The following RHOD variants were observed in gnomAD, a reference collection of about 807,000 sequenced individuals.
RHOD encodes rho-related GTP-binding protein RhoD.
RHOD carries 11 observed loss-of-function variants against 16.7 expected under a neutral mutation model. The observed-to-expected ratio is 0.66, with a 90% CI of 0.41 to 1.09. RHOD has a LOEUF of 1.09. Among genes scored for constraint, RHOD ranks in the 50% least tolerant of loss-of-function variants. RHOD has a pLI of 0.00. For missense variants in RHOD, 271 were observed against 291.7 expected (o/e 0.93, Z 0.52); for synonymous variants, 124 against 126.3 (o/e 0.98, Z 0.12).
At chr11:67,058,022 T>C (rs1273370372) in intron 1 of RHOD, among the ~76,000 whole-genome samples, 2 of 151,930 alleles carry the variant, frequency 1.3e-5, no homozygotes, top group African/African-American at 4.8e-5. Flanking sequence ...TTGAGAAGAG[T>C]CTCACTCTGT....
At chr11:67,059,385 C>CA (rs1396160761) in intron 1 of RHOD, among the ~76,000 whole-genome samples, 1 of 151,472 alleles carries the variant, frequency 6.6e-6, no homozygotes, top group African/African-American at 2.4e-5. Flanking sequence ...ACCGAAAATA[C>CA]AAAAAAAATT....
intron 4 of RHOD, 61 bp from the exon 5 acceptor site, chr11:67,071,374 C>A (rs1855027318): frequency 2.7e-6 from 4 of 1,460,494 alleles, no homozygotes; most frequent in African/African-American, 2.8e-5. Context: ...GAAAAGGAAG[C>A]GAGAACGTGA....
At position 67,070,569 on chromosome 11, in the gene RHOD, C is replaced by T. The variant is rs768565060; in HGVS notation, c.465+10C>T. ...TGTGACCTACCACAGGGTAGGAAAC[C>T]CAGCCCGAGGTGGGAGTTGGGGAGG... On this transcript the variant is annotated intron_variant, in intron 4 of 4. Coordinates refer to ENST00000308831, the MANE Select transcript of RHOD (RefSeq NM_014578.4). 1 of 1,613,802 alleles carries T rather than the reference C, an allele frequency of 6.2e-7. No homozygotes were observed. The highest frequency in any genetic ancestry group is 1.1e-5 in the South Asian group (1 of 91,066).
At chr11:67,064,599 AGTCTTTG>A (rs1854936440) in intron 1 of RHOD, among the ~76,000 whole-genome samples, 2 of 152,120 alleles carry the variant, frequency 1.3e-5, no homozygotes, top group South Asian at 4.1e-4. Context: ...GCAGGTATTG[AGTCTTTG>A]GTGCCTGCTT....
At chr11:67,062,231 C>T (rs1487870251) in intron 1 of RHOD, among the ~76,000 whole-genome samples, 1 of 152,124 alleles carries the variant, frequency 6.6e-6, no homozygotes, top group Non-Finnish European at 1.5e-5. Flanking sequence ...TATGCTGGGG[C>T]CTCACCTGCC....
chr11:67,071,653 T>A lies in RHOD; in HGVS notation c.*51T>A. ...GGGAAGGGGCAGGGCGCTGACCTGC[T>A]GCTGAGCTGGCTGGGCTGGACCCGG... On this transcript the variant is annotated 3_prime_UTR_variant, in exon 5 of 5. Transcript: ENST00000308831. 1 of 1,493,958 alleles carries A rather than the reference T, an allele frequency of 6.7e-7. No homozygotes were observed. The highest frequency in any genetic ancestry group is 9.0e-7 in the Non-Finnish European group (1 of 1,111,690). 92.5% of individuals were successfully genotyped at this position (1,493,958 alleles called of 1,614,324 possible). A position where few individuals can be genotyped will look rare whatever the true frequency, so the allele number is the denominator to read the frequency against.
intron 3 of RHOD, among the ~76,000 whole-genome samples, chr11:67,069,795 C>T (rs1218544493): frequency 6.6e-6 from 1 of 152,152 alleles, no homozygotes; most frequent in Non-Finnish European, 1.5e-5. Context: ...CAGGTTCATG[C>T]CATTCTCCTG....
intron 3 of RHOD, among the ~76,000 whole-genome samples, chr11:67,069,895 T>G (rs929523901): frequency 6.6e-6 from 1 of 151,800 alleles, no homozygotes; most frequent in Non-Finnish European, 1.5e-5. Context: ...GTTTCACTGT[T>G]GGCCAGGCTG....
At chr11:67,063,507 T>A (rs79039117) in intron 1 of RHOD, among the ~76,000 whole-genome samples, 1,429 of 101,996 alleles carry the variant, frequency 0.014, 19 homozygotes, top group African/African-American at 0.061. Context: ...TTTTTTTTTT[T>A]TAAAAAAAGG....
At chr11:67,066,012 G>GGGGGGC in intron 2 of RHOD, 29 bp downstream of exon 2, 1 of 581,440 alleles carries the variant, frequency 1.7e-6, no homozygotes, top group Non-Finnish European at 3.4e-6. Flanking sequence ...GGCAGGGTGG[G>GGGGGGC]AGGGGCTTCT....
intron 3 of RHOD, chr11:67,070,219 C>A: frequency 3.0e-6 from 2 of 658,496 alleles, no homozygotes; most frequent in South Asian, 1.5e-5. Context: ...TGTGAACTTG[C>A]TGCCACGGCC....
intron 1 of RHOD, among the ~76,000 whole-genome samples, chr11:67,057,391 C>T (rs1309667090): frequency 6.6e-6 from 1 of 152,234 alleles, no homozygotes; most frequent in Non-Finnish European, 1.5e-5. Context: ...CCTCTTATAG[C>T]TGTGTGCCCT....
Position 67,064,203 on chromosome 11 carries a change from G to A in RHOD, c.133-1693G>A, listed in dbSNP as rs573251482. Among the ~76,000 whole-genome samples the A allele has an allele frequency of 4.7e-4, 71 of 150,528 alleles. 1 individual carries two copies. The South Asian group carries it at 0.014, about 29-fold the overall frequency. On this transcript the variant is annotated intron_variant, in intron 1 of 4. Coordinates refer to ENST00000308831, the MANE Select transcript of RHOD (RefSeq NM_014578.4). ...GGGTGGATCACGAGGTCAGGAGATC[G>A]AGACCATCCTGGCTAACACGGTGAA...
In RHOD at chr11:67,064,180, G is replaced by A. The variant is rs1038439814; in HGVS notation, c.133-1716G>A. 5.3e-5 allele frequency among the ~76,000 whole-genome samples: 8 copies of A among 150,674 alleles called. 1 individual carries two copies. In the South Asian group the frequency reaches 1.5e-3, roughly 28 times the overall value. ...CCAGCACTTTGGGAGGCCGAGGCGG[G>A]TGGATCACGAGGTCAGGAGATCGAG... On this transcript the variant is annotated intron_variant, in intron 1 of 4. Coordinates refer to ENST00000308831, the MANE Select transcript of RHOD (RefSeq NM_014578.4).
chr11:67,057,180 GC>G, intron 1 of RHOD, 146 bp downstream of exon 1: 1 of 1,028,266 alleles, frequency 9.7e-7, no homozygotes, highest in Non-Finnish European at 1.3e-6. Flanking sequence ...GAGTTCTTCC[GC>G]CCCAGCCATT....
intron 1 of RHOD, among the ~76,000 whole-genome samples, chr11:67,065,443 C>G (rs1026941280): frequency 6.6e-6 from 1 of 151,924 alleles, no homozygotes; most frequent in Non-Finnish European, 1.5e-5. Context: ...TACAGTGGTG[C>G]GATCTCGTCT....
chr11:67,065,962 CT>C lies in RHOD; in HGVS notation c.200del (p.Leu67ProfsTer49). ...GCAAGTGAAAGGCAAACCTGTGCAC[CT>C]CCACATCTGGGACACAGCAGGTGGG... ...NLQVKGKPVH[L>X]HIWDTAGQDD... On this transcript the variant is annotated frameshift_variant, in exon 2 of 5. Transcript: ENST00000308831. LOFTEE classifies it high-confidence loss of function. The C allele has an allele frequency of 6.2e-7, 1 of 1,613,134 alleles. No homozygotes were observed. Among genetic ancestry groups the C allele is most frequent in the East Asian group, 2.2e-5 (1 of 44,850 alleles).
chr11:67,058,288 G>A (rs912846482), intron 1 of RHOD, among the ~76,000 whole-genome samples: 2 of 152,182 alleles, frequency 1.3e-5, no homozygotes, highest in African/African-American at 4.8e-5. Context: ...CGATTCTCCC[G>A]CCTCAGCCTC....
chr11:67,068,999 A>T (rs1203472079), intron 3 of RHOD, among the ~76,000 whole-genome samples: 5 of 150,966 alleles, frequency 3.3e-5, no homozygotes, highest in African/African-American at 1.2e-4. Context: ...ACAGAGTCTC[A>T]CTCTGTCTCC....
Sources: allele counts gnomAD v4.1 joint callset (sites outside exome capture counted in the v4.1 genomes callset), GRCh38; gene constraint gnomAD v4.1.1; transcripts MANE v1.5; gene names NCBI Gene and HGNC (gene_info 2026-07-23, HGNC 2026-07-21).